The following PPP2R5C variants were observed in gnomAD, a reference collection of about 807,000 sequenced individuals.
The protein encoded by PPP2R5C is protein phosphatase 2 regulatory subunit B'gamma, also known as serine/threonine-protein phosphatase 2A 56 kDa regulatory subunit gamma isoform.
PPP2R5C carries 7 observed loss-of-function variants against 68.9 expected under a neutral mutation model. That is an observed-to-expected ratio of 0.10 (90% CI 0.06 to 0.19). The LOEUF is 0.19. PPP2R5C is among the 10% of genes least tolerant of loss of function. PPP2R5C has a pLI of 1.00. For synonymous variants in PPP2R5C, 210 were observed against 222.2 expected (o/e 0.95, Z 0.49); for missense variants, 348 against 641.3 (o/e 0.54, Z 4.94).
intron 3 of PPP2R5C, among the ~76,000 whole-genome samples, chr14:101,803,541 G>A (rs1175487422): frequency 4.6e-5 from 7 of 151,950 alleles, no homozygotes; most frequent in African/African-American, 7.3e-5. Context: ...TGGCTAACAC[G>A]GTGAAACCCT....
intron 1 of PPP2R5C, among the ~76,000 whole-genome samples, chr14:101,847,951 C>CGGCATGAGCCA (rs767155380): frequency 5.8e-4 from 89 of 152,188 alleles, no homozygotes; most frequent in Non-Finnish European, 1.1e-3. Context: ...CCACTGTGCC[C>CGGCATGAGCCA]GGCATGAGCC....
chr14:101,873,430 T>G (rs2043549317), intron 2 of PPP2R5C, among the ~76,000 whole-genome samples: 1 of 152,236 alleles, frequency 6.6e-6, no homozygotes, highest in African/African-American at 2.4e-5. Context: ...TCTTGCTTTT[T>G]CAGATGTTTT....
rs71116853 is a variant in PPP2R5C, at chr14:101,862,816, ATT to A, written c.294+5952_294+5953del. On this transcript the variant is annotated intron_variant, in intron 2 of 13. Coordinates refer to ENST00000334743, the Ensembl canonical transcript of PPP2R5C. ...TGTCATTTACACTAAGACATGATGG[ATT>A]TTTTTTTTTTTTTTTTTTTTAGATG... Among the ~76,000 whole-genome samples, 632 of 127,162 alleles carry A rather than the reference ATT, an allele frequency of 5.0e-3. 5 individuals carry two copies. Among genetic ancestry groups the A allele is most frequent in the African/African-American group, 0.017 (567 of 34,042 alleles). 83.4% of individuals were successfully genotyped at this position (127,162 alleles called of 152,430 possible).
At chr14:101,853,392 GA>G (rs2042263269) in intron 1 of PPP2R5C, among the ~76,000 whole-genome samples, 1 of 152,162 alleles carries the variant, frequency 6.6e-6, no homozygotes, top group Non-Finnish European at 1.5e-5. Flanking sequence ...ACCCTGTCTG[GA>G]AGCCTAGAAG....
chr14:101,828,696 T>TA (rs2040551148), intron 1 of PPP2R5C, among the ~76,000 whole-genome samples: 1 of 146,390 alleles, frequency 6.8e-6, no homozygotes, highest in African/African-American at 2.6e-5. Context: ...TTTTTTTTTT[T>TA]AGACAGTGTC....
chr14:101,839,985 T>C (rs1566892615), intron 1 of PPP2R5C, among the ~76,000 whole-genome samples: 1 of 152,186 alleles, frequency 6.6e-6, no homozygotes, highest in Non-Finnish European at 1.5e-5. Context: ...CATGTATTAT[T>C]TTTCTGAAAA....
rs528802248 is a variant in PPP2R5C, at chr14:101,793,583, C to T, written c.259+7400C>T. 6.6e-5 allele frequency among the ~76,000 whole-genome samples: 10 copies of T among 152,306 alleles called. No individual in the cohort carries two copies. The South Asian group carries it at 8.3e-4, about 13-fold the overall frequency. Reference sequence around the variant, plus strand: ...AAACCCCATACCAGCCCCATGGCAGCGTCTTCAGGGGTCCCTGTGATCCCT... The same window carrying T: ...AAACCCCATACCAGCCCCATGGCAGTGTCTTCAGGGGTCCCTGTGATCCCT... On this transcript the variant is annotated intron_variant, in intron 3 of 14. Transcript: ENST00000328724.
intron 5 of PPP2R5C, 161 bp from the exon 8 acceptor site, chr14:101,890,076 G>A: frequency 1.4e-6 from 1 of 711,564 alleles, no homozygotes; most frequent in Non-Finnish European, 2.5e-6. Context: ...AGGCCTTGAG[G>A]AGTTTCTTTG....
chr14:101,798,817 G>A (rs896585899), intron 3 of PPP2R5C, among the ~76,000 whole-genome samples: 5 of 152,162 alleles, frequency 3.3e-5, no homozygotes, highest in African/African-American at 9.7e-5. Context: ...ATGTCACTGC[G>A]AGGCCAGCGT....
intron 5 of PPP2R5C, among the ~76,000 whole-genome samples, chr14:101,883,784 G>A (rs1055124192): frequency 6.6e-6 from 1 of 152,072 alleles, no homozygotes; most frequent in Non-Finnish European, 1.5e-5. Flanking sequence ...GCTCCCTCCT[G>A]AGCCACCAAG....
intron 1 of PPP2R5C, among the ~76,000 whole-genome samples, chr14:101,844,701 A>G (rs1337574017): frequency 1.3e-5 from 2 of 152,176 alleles, no homozygotes; most frequent in Non-Finnish European, 2.9e-5. Flanking sequence ...TCTTTTTCAC[A>G]CCTCTACACT....
upstream of PPP2R5C, among the ~76,000 whole-genome samples, chr14:101,808,504 C>A (rs2039170348): frequency 6.6e-6 from 1 of 152,144 alleles, no homozygotes; most frequent in Non-Finnish European, 1.5e-5. Flanking sequence ...TATTGATACA[C>A]ACAATAAAAG....
At chr14:101,911,548 C>T (rs562869148) in intron 11 of PPP2R5C, among the ~76,000 whole-genome samples, 11 of 152,270 alleles carry the variant, frequency 7.2e-5, no homozygotes, top group Admixed American at 2.6e-4. Flanking sequence ...GCTTTCCCAA[C>T]AGGACCTTAA....
intron 2 of PPP2R5C, among the ~76,000 whole-genome samples, chr14:101,873,711 T>C (rs2043572105): frequency 6.6e-6 from 1 of 152,188 alleles, no homozygotes; most frequent in Non-Finnish European, 1.5e-5. Context: ...CTGTAGTTCT[T>C]CTCTGTGTGC....
chr14:101,921,960 G>A (rs2047027700), intron 13 of PPP2R5C: 1 of 973,136 alleles, frequency 1.0e-6, no homozygotes. Flanking sequence ...CATTTTAAAT[G>A]TTTGCAATTC....
intron 12 of PPP2R5C, chr14:101,914,036 A>G (rs2046526017): frequency 5.2e-6 from 2 of 384,414 alleles, no homozygotes; most frequent in African/African-American, 2.1e-5. Flanking sequence ...ACTACTGCAC[A>G]TACTGTACGT....
intron 3 of PPP2R5C, among the ~76,000 whole-genome samples, chr14:101,801,970 G>A (rs1331512604): frequency 6.6e-6 from 1 of 152,212 alleles, no homozygotes; most frequent in Non-Finnish European, 1.5e-5. Context: ...TCAAGACTGT[G>A]TAGTACTGGC....
At chr14:101,842,961 C>A (rs2041589596) in intron 1 of PPP2R5C, among the ~76,000 whole-genome samples, 2 of 152,000 alleles carry the variant, frequency 1.3e-5, no homozygotes, top group South Asian at 4.2e-4. Flanking sequence ...CACAGTGGCT[C>A]ACACCTGTAA....
rs534652276 is a variant in PPP2R5C at position 101,883,620 on chromosome 14, G to A, written c.629+58G>A. 8.9e-5 allele frequency: 141 copies of A among 1,582,516 alleles called. No individual in the cohort carries two copies. In the African/African-American group the frequency reaches 1.5e-3, roughly 17 times the overall value. ...TGTGGTGATGCTCATTTCCCCCCTC[G>A]ATGCTCCCCTACCCCATCGTCTCCT... is the stretch of plus-strand genomic sequence containing the variant. On this transcript the variant is annotated intron_variant, in intron 5 of 13. Transcript: ENST00000334743.
Sources: gnomAD v4.1 joint callset for allele counts (sites outside exome capture counted in the v4.1 genomes callset) on GRCh38, gnomAD v4.1.1 for gene constraint, MANE v1.5 for transcripts, NCBI Gene and HGNC (gene_info 2026-07-23, HGNC 2026-07-21) for gene names.